Variants in TEX15 observed in about 807,000 individuals in gnomAD.
TEX15 encodes the protein testis-expressed protein 15.
A neutral mutation model predicts 237.3 loss-of-function variants in TEX15; 171 were observed. The ratio of observed to expected loss-of-function variants is 0.72; its 90% CI spans 0.64 to 0.82. The LOEUF is 0.82. Among genes scored for constraint, TEX15 ranks in the 40% least tolerant of loss-of-function variants. The probability of loss-of-function intolerance (pLI) is 0.00; values close to 1 mark genes in which losing one functional copy is unlikely to be tolerated. For missense variants in TEX15, 3,750 were observed against 3,646.5 expected (o/e 1.03, Z -0.73); for synonymous variants, 1,338 against 1,269.8 (o/e 1.05, Z -1.14).
At position 30,891,487 on chromosome 8, in the gene TEX15, C is replaced by T. The variant is rs1329168862; in HGVS notation, c.-9-4176G>A. ...GTTTGCATTTTCTCCCCGCACCCCC[C>T]CTTTTTTTTTTCGACAATGTCTTGC... On this transcript the variant is annotated intron_variant, in intron 2 of 10. Transcript: ENST00000643185. Among the ~76,000 whole-genome samples the T allele has an allele frequency of 2.6e-5, 4 of 152,036 alleles. No individual in the cohort carries two copies. In the East Asian group the frequency reaches 5.8e-4, roughly 22 times the overall value.
intron 7 of TEX15, among the ~76,000 whole-genome samples, chr8:30,851,545 C>G (rs545670594): frequency 3.8e-4 from 58 of 151,648 alleles, no homozygotes; most frequent in Admixed American, 9.2e-4. Context: ...GCAGGAGAAT[C>G]GCCTTGAACC....
intron 2 of TEX15, chr8:30,887,547 C>T (rs769542404): frequency 8.1e-5 from 25 of 309,314 alleles, no homozygotes; most frequent in Non-Finnish European, 1.4e-4. Flanking sequence ...ACCTGTAATC[C>T]CAGCACTTTG....
At chr8:30,863,088 G>C (rs1298158895) in intron 5 of TEX15, among the ~76,000 whole-genome samples, 1 of 152,006 alleles carries the variant, frequency 6.6e-6, no homozygotes, top group Non-Finnish European at 1.5e-5. Flanking sequence ...ATAGCATACA[G>C]GTTGAATATC....
chr8:30,910,638 G>C (rs1206551633), intron 1 of TEX15, among the ~76,000 whole-genome samples: 1 of 126,716 alleles, frequency 7.9e-6, no homozygotes, highest in Non-Finnish European at 1.6e-5. Flanking sequence ...TTTTTTGGTA[G>C]AGACGGGGAC....
intron 7 of TEX15, among the ~76,000 whole-genome samples, chr8:30,852,758 C>T (rs1046506396): frequency 6.6e-6 from 1 of 152,048 alleles, no homozygotes; most frequent in Non-Finnish European, 1.5e-5. Context: ...ATCTTCAATG[C>T]AATACGGAAA....
At chr8:30,895,673 ATGC>A (rs1808888396) in intron 2 of TEX15, among the ~76,000 whole-genome samples, 1 of 93,176 alleles carries the variant, frequency 1.1e-5, no homozygotes, top group Non-Finnish European at 1.9e-5. Flanking sequence ...TTTTAAACAC[ATGC>A]TTTTTTTTTT....
At chr8:30,909,677 C>T (rs1809179326) in intron 1 of TEX15, among the ~76,000 whole-genome samples, 2 of 152,100 alleles carry the variant, frequency 1.3e-5, no homozygotes, top group South Asian at 2.1e-4. Context: ...GATCATCTTG[C>T]CCTACTACTT....
At chr8:30,895,977 T>C (rs980786634) in intron 2 of TEX15, among the ~76,000 whole-genome samples, 1 of 152,126 alleles carries the variant, frequency 6.6e-6, no homozygotes, top group East Asian at 1.9e-4. Context: ...CTACCATGCC[T>C]GGCCAAACAC....
rs147365997 is a variant in TEX15 at position 30,847,902 on chromosome 8, T to C, written c.2265A>G (p.Gln755=). The change falls in exon 8 of 11, where the codon CAA becomes CAG. Residue 755 remains glutamine, a synonymous_variant. Transcript: ENST00000643185. ...LMELKLGKIN[Q]NYASIITEAF... is the part of the protein sequence containing the mutation. ...CTTCAGTTATAATGCTAGCATAATTTTGATTTATTTTCCCCAATTTCAGTT... is the reference window on the plus strand; with the variant it reads ...CTTCAGTTATAATGCTAGCATAATTCTGATTTATTTTCCCCAATTTCAGTT... 8 of 1,613,792 alleles carry C rather than the reference T, an allele frequency of 5.0e-6. No individual in the cohort carries two copies. In the African/African-American group the frequency reaches 9.3e-5, roughly 19 times the overall value.
In TEX15 at chr8:30,864,340, G is replaced by C. The variant is rs375680998; in HGVS notation, c.540+2925C>G. ...AGGGACCTGTGGGGCACCATCAAGCGTAAGAACATATATGCTGTGGGAGTC... is the reference window on the plus strand; with the variant it reads ...AGGGACCTGTGGGGCACCATCAAGCCTAAGAACATATATGCTGTGGGAGTC... On this transcript the variant is annotated intron_variant, in intron 5 of 10. Coordinates refer to ENST00000643185, the MANE Select transcript of TEX15 (RefSeq NM_001350162.2). 2.0e-4 allele frequency among the ~76,000 whole-genome samples: 30 copies of C among 151,010 alleles called. No homozygotes were observed. The South Asian group carries it at 6.1e-3, about 31-fold the overall frequency.
intron 4 of TEX15, among the ~76,000 whole-genome samples, chr8:30,870,003 G>A (rs1808257986): frequency 6.6e-6 from 1 of 151,860 alleles, no homozygotes; most frequent in Non-Finnish European, 1.5e-5. Context: ...CAATACTAAT[G>A]AGGGATAGAT....
At chr8:30,886,715 T>C (rs1316238042) in intron 3 of TEX15, among the ~76,000 whole-genome samples, 1 of 152,176 alleles carries the variant, frequency 6.6e-6, no homozygotes, top group Non-Finnish European at 1.5e-5. Context: ...GGTTTCCAAC[T>C]TTCTAGGCTG....
Position 30,844,402 on chromosome 8 carries a change from CTT to C in TEX15, c.5763_5764del (p.Lys1924GlufsTer5), listed in dbSNP as rs1353871275. ...AACTTTAATTTCCCCCTTCTTCTCT[CTT>C]TTGTTAAGCGGATTAGAAACTGTGT... is the stretch of plus-strand genomic sequence containing the variant. On this transcript the variant is annotated frameshift_variant, in exon 8 of 11. Coordinates refer to ENST00000643185, the MANE Select transcript of TEX15 (RefSeq NM_001350162.2). LOFTEE classifies it high-confidence loss of function. 1.2e-6 allele frequency: 2 copies of C among 1,610,624 alleles called. No individual in the cohort carries two copies. The highest frequency in any genetic ancestry group is 1.1e-5 in the South Asian group (1 of 90,288).
At position 30,904,812 on chromosome 8, in the gene TEX15, C is replaced by T. The variant is rs117716911; in HGVS notation, c.-85-5995G>A. 2.0e-5 allele frequency among the ~76,000 whole-genome samples: 3 copies of T among 152,224 alleles called. No individual in the cohort carries two copies. In the East Asian group the frequency reaches 5.8e-4, roughly 29 times the overall value. On this transcript the variant is annotated intron_variant, in intron 1 of 10. Transcript: ENST00000643185. ...CATTTTAGTATGAAAAACATAGCTG[C>T]TGACCATTATTCACCTTTTATGATC...
chr8:30,847,913 T>C lies in TEX15; in HGVS notation c.2254A>G (p.Lys752Glu). 6.2e-7 allele frequency: 1 copy of C among 1,613,934 alleles called. No individual in the cohort carries two copies. The highest frequency in any genetic ancestry group is 1.1e-5 in the South Asian group (1 of 91,074). The change falls in exon 8 of 11, where the codon AAA becomes GAA. Residue 752 changes from lysine to glutamate, a missense_variant. Physicochemically the swap from Lys to Glu is moderately conservative, Grantham distance 56. Coordinates refer to ENST00000643185, the MANE Select transcript of TEX15 (RefSeq NM_001350162.2). ...ATGCTAGCATAATTTTGATTTATTTTCCCCAATTTCAGTTCCATTAGCTTT... is the reference window on the plus strand; with the variant it reads ...ATGCTAGCATAATTTTGATTTATTTCCCCCAATTTCAGTTCCATTAGCTTT... ...AQKLMELKLG[K>E]INQNYASIIT...
At chr8:30,900,966 C>G in intron 1 of TEX15, among the ~76,000 whole-genome samples, 1 of 152,200 alleles carries the variant, frequency 6.6e-6, no homozygotes. Context: ...GAGACCAGCT[C>G]GGGCAACATA....
intron 5 of TEX15, among the ~76,000 whole-genome samples, chr8:30,866,823 C>A (rs1354434890): frequency 6.6e-6 from 1 of 151,862 alleles, no homozygotes; most frequent in Non-Finnish European, 1.5e-5. Flanking sequence ...ATAACCATAG[C>A]AAAATCACCA....
chr8:30,843,336 A>AT lies in TEX15; in HGVS notation c.6830dup (p.Asn2277LysfsTer29). 1.2e-6 allele frequency: 2 copies of AT among 1,611,668 alleles called. No homozygotes were observed. The highest frequency in any genetic ancestry group is 1.7e-6 in the Non-Finnish European group (2 of 1,179,360). On this transcript the variant is annotated frameshift_variant, in exon 8 of 11. Coordinates refer to ENST00000643185, the MANE Select transcript of TEX15 (RefSeq NM_001350162.2). LOFTEE classifies it high-confidence loss of function. ...ATTGTGTTCTCTCTTTCCAAACAAG[A>AT]TTTTTTGCAGCATCAAAAAAGATAT...
chr8:30,840,640 T>C (rs1807429132), intron 8 of TEX15, among the ~76,000 whole-genome samples: 1 of 152,200 alleles, frequency 6.6e-6, no homozygotes, highest in South Asian at 2.1e-4. Context: ...TTCTAAGCCA[T>C]GGCTGACTTA....
Sources: allele counts gnomAD v4.1 joint callset (sites outside exome capture counted in the v4.1 genomes callset), GRCh38; gene constraint gnomAD v4.1.1; transcripts MANE v1.5; gene names NCBI Gene and HGNC (gene_info 2026-07-23, HGNC 2026-07-21).